The following ITGB6 variants were observed in gnomAD, a reference collection of about 807,000 sequenced individuals.
The protein encoded by ITGB6 is integrin beta-6.
In ITGB6, 80 loss-of-function variants were observed where a neutral mutation model predicts 84.5. That is an observed-to-expected ratio of 0.95 (90% CI 0.79 to 1.14). The LOEUF (loss-of-function observed/expected upper bound fraction) is 1.14. ITGB6 is among the 50% of genes most tolerant of loss of function. ITGB6 has a pLI of 0.00. For synonymous variants in ITGB6, 383 were observed against 354.9 expected (o/e 1.08, Z -0.89); for missense variants, 1,006 against 968.0 (o/e 1.04, Z -0.52).
At position 160,200,129 on chromosome 2, in the gene ITGB6, G is replaced by T; in HGVS notation, c.-66C>A. The T allele has an allele frequency of 1.6e-6, 2 of 1,217,050 alleles. No homozygotes were observed. Among genetic ancestry groups the T allele is most frequent in the Non-Finnish European group, 2.4e-6 (2 of 824,916 alleles). The allele number at this position is 1,217,050 out of a possible 1,614,324, so 75.4% of individuals were successfully genotyped here. A position where few individuals can be genotyped will look rare whatever the true frequency, so the allele number is the denominator to read the frequency against. On this transcript the variant is annotated 5_prime_UTR_variant, in exon 1 of 15. Transcript: ENST00000283249. ...TTACCTTCAGCGTTACAAGACCAAC[G>T]CTGAATATCGTTAAAGTCTTTCTTT...
chr2:160,164,636 C>T (rs1259249670), intron 7 of ITGB6, among the ~76,000 whole-genome samples: 1 of 151,924 alleles, frequency 6.6e-6, no homozygotes, highest in East Asian at 1.9e-4. Flanking sequence ...GCGGAGGGTG[C>T]AGTGAGCTGA....
At chr2:160,190,440 C>A (rs796130338) in intron 4 of ITGB6, among the ~76,000 whole-genome samples, 8 of 152,222 alleles carry the variant, frequency 5.3e-5, no homozygotes, top group African/African-American at 1.9e-4. Flanking sequence ...AAATGATTCA[C>A]CTAAGCTCAC....
intron 7 of ITGB6, among the ~76,000 whole-genome samples, chr2:160,168,037 T>G (rs1685068407): frequency 6.6e-6 from 1 of 152,114 alleles, no homozygotes; most frequent in African/African-American, 2.4e-5. Flanking sequence ...GAAACAAATA[T>G]CACATACTAA....
At chr2:160,164,410 G>A (rs1427774002) in intron 7 of ITGB6, among the ~76,000 whole-genome samples, 2 of 152,030 alleles carry the variant, frequency 1.3e-5, no homozygotes, top group Non-Finnish European at 2.9e-5. Context: ...TCCCATTTTA[G>A]GCTGGGCACA....
intron 2 of ITGB6, among the ~76,000 whole-genome samples, chr2:160,196,956 G>A (rs796674168): frequency 5.3e-5 from 8 of 152,172 alleles, no homozygotes; most frequent in African/African-American, 1.9e-4. Flanking sequence ...GGTAGGGATT[G>A]CAACATCTCC....
intron 12 of ITGB6, among the ~76,000 whole-genome samples, chr2:160,117,358 A>T (rs1042945471): frequency 6.6e-6 from 1 of 151,460 alleles, no homozygotes; most frequent in Non-Finnish European, 1.5e-5. Context: ...GGATTAAGAA[A>T]CTCACTCAAA....
At chr2:160,141,948 A>G in intron 8 of ITGB6, 34 bp downstream of exon 8, 1 of 1,344,612 alleles carries the variant, frequency 7.4e-7, no homozygotes, top group East Asian at 2.3e-5. Flanking sequence ...TACCAAAGAA[A>G]TGCAAAAAAG....
chr2:160,119,392 C>T (rs1682930614), intron 12 of ITGB6, among the ~76,000 whole-genome samples: 2 of 151,896 alleles, frequency 1.3e-5, no homozygotes, highest in Admixed American at 1.3e-4. Context: ...CTTTGACAAA[C>T]CTGAGAAAAA....
intron 7 of ITGB6, among the ~76,000 whole-genome samples, chr2:160,156,669 A>G (rs1684634203): frequency 6.6e-6 from 1 of 152,134 alleles, no homozygotes; most frequent in Non-Finnish European, 1.5e-5. Context: ...CAGAAGTTCT[A>G]TTATTTAGGT....
intron 12 of ITGB6, among the ~76,000 whole-genome samples, chr2:160,122,006 A>G (rs1171305686): frequency 3.9e-5 from 6 of 151,902 alleles, no homozygotes; most frequent in Admixed American, 2.0e-4. Flanking sequence ...TCAAGGTAGT[A>G]TGATCAGTAA....
chr2:160,146,669 TC>T (rs1201265131), intron 7 of ITGB6, among the ~76,000 whole-genome samples: 1 of 152,204 alleles, frequency 6.6e-6, no homozygotes, highest in Non-Finnish European at 1.5e-5. Flanking sequence ...TCTCTCTCTC[TC>T]CCTGTTTCTC....
At chr2:160,145,492 C>T (rs1684152503) in intron 7 of ITGB6, among the ~76,000 whole-genome samples, 1 of 152,226 alleles carries the variant, frequency 6.6e-6, no homozygotes, top group Admixed American at 6.5e-5. Context: ...CAACAGTCTG[C>T]ATTTGTTCCC....
intron 4 of ITGB6, among the ~76,000 whole-genome samples, chr2:160,180,133 C>A (rs112021363): frequency 0.092 from 12,445 of 134,996 alleles, 1,161 homozygotes; most frequent in African/African-American, 0.25. Context: ...AAAAAACAAA[C>A]AAAAAAAACA....
At chr2:160,141,901 A>C in intron 8 of ITGB6, 81 bp downstream of exon 8, 2 of 851,196 alleles carry the variant, frequency 2.3e-6, no homozygotes, top group Non-Finnish European at 3.8e-6. Flanking sequence ...ACAAGTAACT[A>C]ACATTTAACT....
intron 10 of ITGB6, among the ~76,000 whole-genome samples, chr2:160,136,277 G>A (rs1224365345): frequency 3.3e-5 from 5 of 152,194 alleles, no homozygotes; most frequent in Non-Finnish European, 5.9e-5. Context: ...AGACATTTAT[G>A]CAGCCAAAAG....
At chr2:160,113,699 T>C (rs370584796) in intron 12 of ITGB6, among the ~76,000 whole-genome samples, 6 of 152,252 alleles carry the variant, frequency 3.9e-5, no homozygotes, top group East Asian at 3.8e-4. Context: ...GAGGAGCTTG[T>C]ACACTTAGTG....
chr2:160,138,170 T>C lies in ITGB6; in HGVS notation c.1137A>G (p.Val379=), dbSNP rs1683840864. ...EELRSEVELE[V]LGDTEGLNLS... ...AGTTGAGTCCTTCAGTGTCTCCTAATACTTCCAGTTCCACCTCAGACCGCA... is the reference window on the plus strand; with the variant it reads ...AGTTGAGTCCTTCAGTGTCTCCTAACACTTCCAGTTCCACCTCAGACCGCA... The change falls in exon 9 of 15, where the codon GTA becomes GTG. Residue 379 remains valine, a synonymous_variant. Coordinates refer to ENST00000283249, the MANE Select transcript of ITGB6 (RefSeq NM_000888.5). 1.2e-6 allele frequency: 2 copies of C among 1,613,376 alleles called. No homozygotes were observed. The highest frequency in any genetic ancestry group is 1.7e-6 in the Non-Finnish European group (2 of 1,179,840).
intron 11 of ITGB6, 34 bp from the exon 12 acceptor site, chr2:160,123,922 G>A (rs1250485607): frequency 2.0e-6 from 3 of 1,492,830 alleles, no homozygotes; most frequent in Non-Finnish European, 1.9e-6. Context: ...ATCAGTTCAT[G>A]CTGGTGGAAA....
chr2:160,124,002 T>A (rs904244239), intron 11 of ITGB6, 114 bp from the exon 12 acceptor site: 6 of 652,058 alleles, frequency 9.2e-6, no homozygotes, highest in Non-Finnish European at 1.6e-5. Flanking sequence ...ATGTCATAGA[T>A]GTCATTATCT....
Sources: allele counts gnomAD v4.1 joint callset (sites outside exome capture counted in the v4.1 genomes callset), GRCh38; gene constraint gnomAD v4.1.1; transcripts MANE v1.5; gene names NCBI Gene and HGNC (gene_info 2026-07-23, HGNC 2026-07-21).